Variants in CACNA2D3 observed in about 807,000 individuals in gnomAD.
CACNA2D3 encodes calcium voltage-gated channel auxiliary subunit alpha2delta 3.
CACNA2D3 carries 60 observed loss-of-function variants against 160.6 expected under a neutral mutation model. That is an observed-to-expected ratio of 0.37 (90% confidence interval 0.30 to 0.46). The LOEUF (loss-of-function observed/expected upper bound fraction) is 0.46, where lower values mean the gene tolerates loss of function less well. Among genes scored for constraint, CACNA2D3 ranks in the 20% least tolerant of loss-of-function variants. CACNA2D3 has a pLI of 1.00. For synonymous variants in CACNA2D3, 558 were observed against 492.9 expected (o/e 1.13, Z -1.75); for missense variants, 1,205 against 1,365.0 (o/e 0.88, Z 1.85).
At chr3:54,655,774 A>T (rs1325530305) in intron 11 of CACNA2D3, among the ~76,000 whole-genome samples, 2 of 152,214 alleles carry the variant, frequency 1.3e-5, no homozygotes, top group Admixed American at 6.5e-5. Context: ...GTTTCAAGAA[A>T]CAAGAGCCTG....
intron 4 of CACNA2D3, among the ~76,000 whole-genome samples, chr3:54,495,343 AT>A (rs930301088): frequency 6.6e-6 from 1 of 152,028 alleles, no homozygotes; most frequent in Non-Finnish European, 1.5e-5. Context: ...AGTGACTTTA[AT>A]TTTTTTTATT....
At chr3:54,274,129 A>C (rs535550715) in intron 2 of CACNA2D3, among the ~76,000 whole-genome samples, 18 of 152,282 alleles carry the variant, frequency 1.2e-4, no homozygotes, top group African/African-American at 4.3e-4. Flanking sequence ...ATTCCTTAAA[A>C]AAATCTGCTG....
At chr3:54,763,667 G>GTATA (rs1356695467) in intron 12 of CACNA2D3, among the ~76,000 whole-genome samples, 1 of 144,330 alleles carries the variant, frequency 6.9e-6, no homozygotes, top group Non-Finnish European at 1.5e-5. Context: ...GTGTGTGTGT[G>GTATA]TGTATATATG....
chr3:54,738,291 A>G (rs1162630425), intron 11 of CACNA2D3, among the ~76,000 whole-genome samples: 14 of 152,316 alleles, frequency 9.2e-5, no homozygotes, highest in Admixed American at 7.8e-4. Context: ...GGTACTAGTG[A>G]CATGTCCTCA....
At chr3:55,051,351 G>A (rs1385498286) in intron 35 of CACNA2D3, among the ~76,000 whole-genome samples, 1 of 151,306 alleles carries the variant, frequency 6.6e-6, no homozygotes. Context: ...AGGTCTGTTG[G>A]AATACCCTAC....
intron 31 of CACNA2D3, 55 bp from the exon 32 acceptor site, chr3:55,004,708 A>G (rs556135373): frequency 1.2e-5 from 14 of 1,209,832 alleles, no homozygotes; most frequent in South Asian, 7.3e-5. Flanking sequence ...CATAGCATCA[A>G]TTGGTTCCCG....
intron 11 of CACNA2D3, among the ~76,000 whole-genome samples, chr3:54,698,828 A>G (rs1700712874): frequency 6.6e-6 from 1 of 152,144 alleles, no homozygotes. Context: ...TGGCCTGCCT[A>G]TGTATTTATC....
intron 9 of CACNA2D3, among the ~76,000 whole-genome samples, chr3:54,620,968 C>A (rs990725869): frequency 1.3e-5 from 2 of 152,204 alleles, no homozygotes; most frequent in Non-Finnish European, 2.9e-5. Context: ...GGCTTGGTGA[C>A]GTGACTTCTG....
intron 2 of CACNA2D3, among the ~76,000 whole-genome samples, chr3:54,131,648 A>T (rs1425055921): frequency 2.0e-5 from 3 of 152,160 alleles, no homozygotes; most frequent in Non-Finnish European, 4.4e-5. Flanking sequence ...AATTTTTGTC[A>T]CTTTGATCCC....
intron 11 of CACNA2D3, among the ~76,000 whole-genome samples, chr3:54,696,315 G>A (rs546637076): frequency 5.9e-5 from 9 of 152,308 alleles, no homozygotes; most frequent in African/African-American, 1.9e-4. Context: ...TCCAGCAGCA[G>A]TGATATTCTG....
At chr3:54,424,054 A>G (rs1241507909) in intron 4 of CACNA2D3, among the ~76,000 whole-genome samples, 1 of 151,758 alleles carries the variant, frequency 6.6e-6, no homozygotes, top group Non-Finnish European at 1.5e-5. Flanking sequence ...ATGACATGCT[A>G]ATGTTTTCCG....
rs1344242936 is a variant in CACNA2D3, at chr3:54,703,765, A to C, written c.1168-48834A>C. Among the ~76,000 whole-genome samples the C allele has an allele frequency of 3.3e-5, 5 of 152,198 alleles. No individual in the cohort carries two copies. The East Asian group carries it at 9.6e-4, about 29-fold the overall frequency. On this transcript the variant is annotated intron_variant, in intron 11 of 37. Coordinates refer to ENST00000474759, the MANE Select transcript of CACNA2D3 (RefSeq NM_018398.3). ...AGTGTCACCCAAGCGCCAAGTTGCA[A>C]AATGTCGGCAAGCTCACAGTAGAGC...
Position 54,122,791 on chromosome 3 carries a change from G to T in CACNA2D3, c.78G>T (p.Ala26=). ...ALLAAALLYA[A]LGDVVRSEQQ... is the part of the protein sequence containing the mutation. ...TCGCTGCCGCGCTTCTCTACGCCGCGCTGGGGGACGTGGTGCGCTCGGAGC... is the reference window on the plus strand; with the variant it reads ...TCGCTGCCGCGCTTCTCTACGCCGCTCTGGGGGACGTGGTGCGCTCGGAGC... The change falls in exon 1 of 38, where the codon GCG becomes GCT. Residue 26 remains alanine (A), a synonymous_variant. Transcript: ENST00000474759. The T allele has an allele frequency of 8.1e-7, 1 of 1,231,310 alleles. No individual in the cohort carries two copies. The highest frequency in any genetic ancestry group is 1.0e-6 in the Non-Finnish European group (1 of 982,576). 76.3% of individuals were successfully genotyped at this position (1,231,310 alleles called of 1,614,324 possible).
chr3:54,920,088 A>T (rs1880825), intron 27 of CACNA2D3, among the ~76,000 whole-genome samples: 111,750 of 152,174 alleles, frequency 0.73, 41,338 homozygotes, highest in East Asian at 0.86. Context: ...CTGGCACTGC[A>T]GTTAGCAAAG....
chr3:54,683,945 T>G (rs543291788), intron 11 of CACNA2D3, among the ~76,000 whole-genome samples: 1 of 147,752 alleles, frequency 6.8e-6, no homozygotes, highest in African/African-American at 2.5e-5. Context: ...TCTGTGTGTC[T>G]GTGCCCAAAT....
At chr3:54,943,174 C>T (rs1701519709) in intron 27 of CACNA2D3, among the ~76,000 whole-genome samples, 1 of 150,326 alleles carries the variant, frequency 6.7e-6, no homozygotes, top group African/African-American at 2.5e-5. Flanking sequence ...TTCACTCCAG[C>T]CTGGGTAATA....
chr3:54,369,773 T>G (rs1424331815), intron 3 of CACNA2D3, among the ~76,000 whole-genome samples: 1 of 152,214 alleles, frequency 6.6e-6, no homozygotes, highest in Non-Finnish European at 1.5e-5. Flanking sequence ...TAGTGGCAAG[T>G]CATCACTTTC....
intron 3 of CACNA2D3, among the ~76,000 whole-genome samples, chr3:54,385,172 T>A (rs753712448): frequency 3.3e-5 from 5 of 152,210 alleles, no homozygotes; most frequent in Non-Finnish European, 7.3e-5. Context: ...GCAGGGCTTG[T>A]TAGACCAGAT....
At chr3:54,442,352 C>CTCCT (rs1216154503) in intron 4 of CACNA2D3, among the ~76,000 whole-genome samples, 1 of 152,134 alleles carries the variant, frequency 6.6e-6, no homozygotes, top group Admixed American at 6.5e-5. Context: ...GGGCCCTTTA[C>CTCCT]TCCTTCTCCC....
Sources: gnomAD v4.1 joint callset for allele counts (sites outside exome capture counted in the v4.1 genomes callset) on GRCh38, gnomAD v4.1.1 for gene constraint, MANE v1.5 for transcripts, NCBI Gene and HGNC (gene_info 2026-07-23, HGNC 2026-07-21) for gene names.